The following RARB variants were observed in gnomAD, a reference collection of about 807,000 sequenced individuals.
RARB encodes the protein HBV-activated protein.
Under a neutral mutation model 51.9 loss-of-function variants are expected in RARB, and 17 were observed. The observed-to-expected ratio is 0.33, with a 90% CI of 0.22 to 0.49. The LOEUF (loss-of-function observed/expected upper bound fraction) is 0.49, where lower values mean the gene tolerates loss of function less well. RARB is among the 20% of genes least tolerant of loss of function. The pLI is 0.99. For missense variants in RARB, 369 were observed against 550.8 expected (o/e 0.67, Z 3.30); for synonymous variants, 215 against 195.4 (o/e 1.10, Z -0.84).
intron 2 of RARB, among the ~76,000 whole-genome samples, chr3:24,926,709 C>T (rs115627008): frequency 1.3e-3 from 202 of 152,064 alleles, no homozygotes; most frequent in African/African-American, 4.6e-3. Context: ...GGAGATGACA[C>T]CTGGACAGGC....
chr3:25,254,445 A>G (rs1248173179), intron 5 of RARB, among the ~76,000 whole-genome samples: 1 of 152,190 alleles, frequency 6.6e-6, no homozygotes, highest in East Asian at 1.9e-4. Context: ...AAATGAACTA[A>G]TAGCATTCCA....
chr3:25,304,301 C>T (rs557840448), intron 5 of RARB, among the ~76,000 whole-genome samples: 1 of 152,296 alleles, frequency 6.6e-6, no homozygotes, highest in East Asian at 1.9e-4. Flanking sequence ...TAAACATTTG[C>T]TCCATTTCCA....
intron 5 of RARB, among the ~76,000 whole-genome samples, chr3:25,308,427 C>T (rs1704204073): frequency 6.6e-6 from 1 of 151,314 alleles, no homozygotes; most frequent in Non-Finnish European, 1.5e-5. Context: ...TCATTTTCTC[C>T]CTGACTGGTT....
At chr3:25,437,402 C>A (rs887047607) in intron 1 of RARB, among the ~76,000 whole-genome samples, 2 of 152,154 alleles carry the variant, frequency 1.3e-5, no homozygotes, top group Admixed American at 6.5e-5. Context: ...TTAGTTTTTG[C>A]AACGTGCCAT....
intron 2 of RARB, among the ~76,000 whole-genome samples, chr3:24,987,288 T>G (rs1286784187): frequency 6.6e-6 from 1 of 152,174 alleles, no homozygotes; most frequent in East Asian, 1.9e-4. Flanking sequence ...CATTAAAACA[T>G]TTCAAGGTAA....
At chr3:24,929,189 A>G (rs1215350341) in intron 2 of RARB, among the ~76,000 whole-genome samples, 1 of 152,132 alleles carries the variant, frequency 6.6e-6, no homozygotes, top group East Asian at 1.9e-4. Context: ...CGTATTTTCA[A>G]ATATTTCAAG....
intron 5 of RARB, among the ~76,000 whole-genome samples, chr3:25,253,217 A>T (rs545132170): frequency 1.3e-5 from 2 of 152,282 alleles, no homozygotes; most frequent in African/African-American, 2.4e-5. Flanking sequence ...CAAAGCTGAC[A>T]CTTTGATACA....
intron 3 of RARB, among the ~76,000 whole-genome samples, chr3:25,504,918 C>A (rs540090037): frequency 6.6e-6 from 1 of 151,848 alleles, no homozygotes; most frequent in Admixed American, 6.6e-5. Flanking sequence ...CCACCACGCC[C>A]GGCTAATTTT....
rs770225842 is a variant in RARB, at chr3:24,947,852, A to AT, written c.-380+89107dup. ...GACTCTGGCCCAATTATTTAGAATC[A>AT]TTTTTTTCTCTTCATATCTGTAAAA... On this transcript the variant is annotated intron_variant, in intron 2 of 11. Transcript: ENST00000383772. 4.6e-5 allele frequency among the ~76,000 whole-genome samples: 7 copies of AT among 152,114 alleles called. No homozygotes were observed. The East Asian group carries it at 1.4e-3, about 29-fold the overall frequency.
At chr3:25,235,336 A>C (rs1053567704) in intron 5 of RARB, among the ~76,000 whole-genome samples, 12 of 152,152 alleles carry the variant, frequency 7.9e-5, no homozygotes, top group African/African-American at 2.7e-4. Flanking sequence ...AAATACTATA[A>C]GCAAAATTTT....
chr3:25,567,160 G>A (rs922884604), intron 3 of RARB, among the ~76,000 whole-genome samples: 5 of 152,176 alleles, frequency 3.3e-5, no homozygotes, highest in South Asian at 2.1e-4. Context: ...TATAATTCAC[G>A]TAGCATAACA....
At chr3:25,203,057 G>A (rs964521808) in intron 5 of RARB, among the ~76,000 whole-genome samples, 5 of 152,100 alleles carry the variant, frequency 3.3e-5, no homozygotes, top group African/African-American at 1.2e-4. Context: ...TTATTATACT[G>A]TGGAAGTCTA....
chr3:25,588,073 C>T (rs1305970791), intron 5 of RARB, among the ~76,000 whole-genome samples: 1 of 152,180 alleles, frequency 6.6e-6, no homozygotes, highest in Non-Finnish European at 1.5e-5. Context: ...TCTCAGAGCT[C>T]ATATTCTAGA....
intron 5 of RARB, among the ~76,000 whole-genome samples, chr3:25,267,741 C>T (rs1703159165): frequency 1.3e-5 from 2 of 152,048 alleles, no homozygotes; most frequent in African/African-American, 4.8e-5. Context: ...TCTGGAAGTT[C>T]ATTTTATGTG....
chr3:25,591,545 T>C (rs986035108), intron 5 of RARB, among the ~76,000 whole-genome samples: 4 of 152,364 alleles, frequency 2.6e-5, no homozygotes, highest in Non-Finnish European at 1.5e-5. Flanking sequence ...AATCAAATCA[T>C]TCTACTAGCT....
chr3:25,026,112 A>G (rs565856404), intron 2 of RARB, among the ~76,000 whole-genome samples: 1 of 152,270 alleles, frequency 6.6e-6, no homozygotes, highest in African/African-American at 2.4e-5. Flanking sequence ...GAGAAATTTG[A>G]TAAAAGCCGT....
At chr3:24,907,807 C>T (rs1478266756) in intron 2 of RARB, among the ~76,000 whole-genome samples, 1 of 151,706 alleles carries the variant, frequency 6.6e-6, no homozygotes, top group East Asian at 1.9e-4. Context: ...CAGCATTTCT[C>T]CATACCTTTA....
At chr3:25,422,702 A>G (rs1452842991) in intron 5 of RARB, among the ~76,000 whole-genome samples, 3 of 152,054 alleles carry the variant, frequency 2.0e-5, no homozygotes, top group Non-Finnish European at 4.4e-5. Flanking sequence ...AATATAATGC[A>G]TTCTAGATGA....
At chr3:24,901,847 G>A (rs116266233) in intron 2 of RARB, among the ~76,000 whole-genome samples, 2 of 151,992 alleles carry the variant, frequency 1.3e-5, no homozygotes, top group Admixed American at 1.3e-4. Flanking sequence ...ACATCTTATT[G>A]AGCATTTACT....
Sources: gnomAD v4.1 joint callset for allele counts (sites outside exome capture counted in the v4.1 genomes callset) on GRCh38, gnomAD v4.1.1 for gene constraint, MANE v1.5 for transcripts, NCBI Gene and HGNC (gene_info 2026-07-23, HGNC 2026-07-21) for gene names.